The following DNM3 variants were observed in gnomAD, a reference collection of about 807,000 sequenced individuals.
DNM3 encodes dynamin-3.
A neutral mutation model predicts 101.6 loss-of-function variants in DNM3; 47 were observed. The ratio of observed to expected loss-of-function variants is 0.46; its 90% CI spans 0.37 to 0.59. The LOEUF is 0.59. DNM3 is among the 20% of genes least tolerant of loss of function. DNM3 has a pLI of 0.00. For missense variants in DNM3, 849 were observed against 1,085.7 expected (o/e 0.78, Z 3.06); for synonymous variants, 385 against 387.9 (o/e 0.99, Z 0.09).
At chr1:172,317,549 A>G (rs2065446774) in intron 16 of DNM3, among the ~76,000 whole-genome samples, 1 of 152,222 alleles carries the variant, frequency 6.6e-6, no homozygotes, top group South Asian at 2.1e-4. Flanking sequence ...AAAAATGATA[A>G]AGGGGATATC....
intron 3 of DNM3, among the ~76,000 whole-genome samples, chr1:171,988,570 A>G (rs909775320): frequency 6.6e-6 from 1 of 152,160 alleles, no homozygotes; most frequent in African/African-American, 2.4e-5. Context: ...AGGAAAGGGC[A>G]GTCTTACCCT....
At chr1:172,166,135 A>C (rs1312452414) in intron 14 of DNM3, among the ~76,000 whole-genome samples, 1 of 152,042 alleles carries the variant, frequency 6.6e-6, no homozygotes, top group African/African-American at 2.4e-5. Context: ...GGATGCAAGC[A>C]CCTTAAGAAG....
rs1022383609 is a variant in DNM3, at chr1:172,329,275, ATGTC to A, written c.1893+5938_1893+5941del. On this transcript the variant is annotated intron_variant, in intron 17 of 20. Coordinates refer to ENST00000627582, the MANE Select transcript of DNM3 (RefSeq NM_015569.5). Reference sequence around the variant, plus strand: ...TATTTAAAGGATATATGAATATTGAATGTCTGGTAAAATACAGAAAACTAGAGCT... The same window carrying A: ...TATTTAAAGGATATATGAATATTGAATGGTAAAATACAGAAAACTAGAGCT... Among the ~76,000 whole-genome samples the A allele has an allele frequency of 1.7e-3, 258 of 152,282 alleles. 1 individual carries two copies. The highest frequency in any genetic ancestry group is 6.0e-3 in the African/African-American group (249 of 41,578).
At chr1:172,319,618 G>A (rs747709236) in intron 16 of DNM3, among the ~76,000 whole-genome samples, 1,816 of 152,218 alleles carry the variant, frequency 0.012, 19 homozygotes, top group Non-Finnish European at 0.019. Flanking sequence ...GCAGCCAAAA[G>A]ACACATGAAA....
At chr1:171,869,946 C>G (rs1342533665) in intron 1 of DNM3, among the ~76,000 whole-genome samples, 1 of 152,148 alleles carries the variant, frequency 6.6e-6, no homozygotes, top group East Asian at 1.9e-4. Flanking sequence ...ATATCTGACC[C>G]TCAGTTTTCT....
At chr1:172,291,136 A>C (rs2063896746) in intron 15 of DNM3, among the ~76,000 whole-genome samples, 1 of 152,192 alleles carries the variant, frequency 6.6e-6, no homozygotes, top group Admixed American at 6.6e-5. Flanking sequence ...TGAGGAAAGA[A>C]TAAAGAGGGA....
In DNM3 at chr1:172,388,220, C is replaced by T. The variant is rs188131990; in HGVS notation, c.2286-353C>T. Among the ~76,000 whole-genome samples the T allele has an allele frequency of 2.7e-3, 414 of 151,112 alleles. 7 individuals carry two copies. Among genetic ancestry groups the T allele is most frequent in the African/African-American group, 9.3e-3 (384 of 41,114 alleles). ...CTGCACTCCAGCCTGGGTGACAGAGCGAGACTCCGCCTCAAAGAAAAAAAA... is the reference window on the plus strand; with the variant it reads ...CTGCACTCCAGCCTGGGTGACAGAGTGAGACTCCGCCTCAAAGAAAAAAAA... On this transcript the variant is annotated intron_variant, in intron 19 of 20. Coordinates refer to ENST00000627582, the MANE Select transcript of DNM3 (RefSeq NM_015569.5).
At chr1:171,914,166 G>GA (rs1553297603) in intron 1 of DNM3, among the ~76,000 whole-genome samples, 14 of 151,384 alleles carry the variant, frequency 9.2e-5, no homozygotes, top group Non-Finnish European at 1.9e-4. Context: ...TTTTTGTTTT[G>GA]TTTTTTTTGA....
At chr1:171,933,997 A>G (rs1303535242) in intron 2 of DNM3, among the ~76,000 whole-genome samples, 1 of 152,186 alleles carries the variant, frequency 6.6e-6, no homozygotes, top group African/African-American at 2.4e-5. Context: ...TGCTGATAGT[A>G]ATCATTTTCT....
At chr1:172,259,254 G>T (rs1054721382) in intron 15 of DNM3, among the ~76,000 whole-genome samples, 3 of 152,032 alleles carry the variant, frequency 2.0e-5, no homozygotes, top group Non-Finnish European at 4.4e-5. Context: ...GTAAATGTCT[G>T]TTAGGTCTAT....
chr1:171,841,937 G>A (rs2124936943), intron 1 of DNM3, 120 bp downstream of exon 1: 2 of 1,324,836 alleles, frequency 1.5e-6, no homozygotes, highest in Non-Finnish European at 2.0e-6. Context: ...CGGTGGAATG[G>A]GGGGCAGAGT....
At chr1:172,405,550 C>T (rs1194447849) in intron 20 of DNM3, among the ~76,000 whole-genome samples, 4 of 152,038 alleles carry the variant, frequency 2.6e-5, no homozygotes, top group South Asian at 2.1e-4. Context: ...ATTCATGAAA[C>T]GATTTCCAAT....
chr1:171,986,122 A>G (rs1439180197), intron 2 of DNM3, among the ~76,000 whole-genome samples: 1 of 152,152 alleles, frequency 6.6e-6, no homozygotes, highest in Non-Finnish European at 1.5e-5. Context: ...TGTTGAACCT[A>G]TGAAGGTTCT....
intron 17 of DNM3, among the ~76,000 whole-genome samples, chr1:172,343,471 C>A (rs146118261): frequency 7.0e-4 from 107 of 152,050 alleles, no homozygotes; most frequent in Non-Finnish European, 1.4e-3. Flanking sequence ...AGGCCGATAA[C>A]TTTTCATTCA....
At chr1:172,251,185 A>G (rs2062155415) in intron 14 of DNM3, among the ~76,000 whole-genome samples, 1 of 152,132 alleles carries the variant, frequency 6.6e-6, no homozygotes, top group African/African-American at 2.4e-5. Context: ...AAAAAGATTT[A>G]GCACACTTCT....
chr1:172,252,311 A>G (rs1394362443), intron 14 of DNM3, among the ~76,000 whole-genome samples: 1 of 152,104 alleles, frequency 6.6e-6, no homozygotes, highest in Admixed American at 6.6e-5. Flanking sequence ...TTAATTTAGG[A>G]GTAGGAAGTG....
At chr1:172,261,651 G>T (rs186116105) in intron 15 of DNM3, among the ~76,000 whole-genome samples, 6 of 152,342 alleles carry the variant, frequency 3.9e-5, no homozygotes. Context: ...TGTGGCATGG[G>T]CAATGGCAGT....
intron 2 of DNM3, among the ~76,000 whole-genome samples, chr1:171,951,558 C>G (rs981074184): frequency 2.0e-5 from 3 of 152,054 alleles, no homozygotes; most frequent in Admixed American, 6.5e-5. Context: ...GAGTGAAGAC[C>G]ATGCCTTATT....
intron 14 of DNM3, among the ~76,000 whole-genome samples, chr1:172,182,165 T>A (rs1025739109): frequency 4.6e-5 from 7 of 151,414 alleles, no homozygotes; most frequent in Non-Finnish European, 2.9e-5. Context: ...AGGAAAAAAA[T>A]GTGACAACAT....
Sources: allele counts gnomAD v4.1 joint callset (sites outside exome capture counted in the v4.1 genomes callset), GRCh38; gene constraint gnomAD v4.1.1; transcripts MANE v1.5; gene names NCBI Gene and HGNC (gene_info 2026-07-23, HGNC 2026-07-21).